The following IL1RAP variants were observed in gnomAD, a reference collection of about 807,000 sequenced individuals.
IL1RAP encodes interleukin 1 receptor accessory protein.
In IL1RAP, 35 loss-of-function variants were observed where a neutral mutation model predicts 60.7. The ratio of observed to expected loss-of-function variants is 0.58; its 90% CI spans 0.44 to 0.76. The LOEUF is 0.76. IL1RAP is among the 30% of genes least tolerant of loss of function. The pLI is 0.00. For missense variants in IL1RAP, 572 were observed against 693.9 expected, an observed-to-expected ratio of 0.82 and a Z score of 1.97; for synonymous variants, 268 against 250.9, an observed-to-expected ratio of 1.07 and a Z score of -0.64.
At chr3:190,656,010 C>T (rs1281221557), downstream of IL1RAP, 1 of 1,537,030 alleles carries the variant, frequency 6.5e-7, no homozygotes, top group Admixed American at 2.0e-5. Context: ...GTGTCATGTG[C>T]CAGAACTCCA....
intron 3 of IL1RAP, among the ~76,000 whole-genome samples, chr3:190,585,030 T>C (rs1278001304): frequency 1.3e-5 from 2 of 152,204 alleles, no homozygotes; most frequent in East Asian, 3.9e-4. Context: ...GCCATAGGGA[T>C]GTATAGATGG....
chr3:190,648,096 T>C (rs1734165052), intron 11 of IL1RAP, among the ~76,000 whole-genome samples: 1 of 152,212 alleles, frequency 6.6e-6, no homozygotes, highest in African/African-American at 2.4e-5. Flanking sequence ...TTTGGCTTCA[T>C]GCCTGTTTGG....
At chr3:190,594,441 A>G (rs957791388) in intron 3 of IL1RAP, among the ~76,000 whole-genome samples, 4 of 152,338 alleles carry the variant, frequency 2.6e-5, no homozygotes, top group South Asian at 2.1e-4. Flanking sequence ...GCCAGCTATC[A>G]TATCTATCTA....
At chr3:190,577,784 ATCT>A (rs1727627992) in intron 3 of IL1RAP, among the ~76,000 whole-genome samples, 1 of 151,974 alleles carries the variant, frequency 6.6e-6, no homozygotes, top group Non-Finnish European at 1.5e-5. Flanking sequence ...CTCCTGAGTG[ATCT>A]TCTTGTGTTG....
chr3:190,595,693 G>A (rs1165286429), intron 3 of IL1RAP, among the ~76,000 whole-genome samples: 1 of 152,126 alleles, frequency 6.6e-6, no homozygotes, highest in East Asian at 1.9e-4. Context: ...TTTCTAGTTT[G>A]GAATGTAAAA....
intron 1 of IL1RAP, among the ~76,000 whole-genome samples, chr3:190,525,959 T>C (rs1722475518): frequency 6.6e-6 from 1 of 152,208 alleles, no homozygotes. Context: ...CTGAAATCTG[T>C]CGTAGTGAAG....
intron 8 of IL1RAP, among the ~76,000 whole-genome samples, chr3:190,628,912 C>A (rs979963702): frequency 1.1e-4 from 16 of 152,196 alleles, no homozygotes; most frequent in Middle Eastern, 3.4e-3. Context: ...TATGACTTCC[C>A]TCTTTTCCAA....
chr3:190,606,460 G>A (rs1157964828), intron 4 of IL1RAP, among the ~76,000 whole-genome samples: 4 of 152,172 alleles, frequency 2.6e-5, no homozygotes, highest in South Asian at 2.1e-4. Context: ...ATTTCCCAAC[G>A]GGAAGAAGTC....
At chr3:190,627,807 G>A (rs1732439237) in intron 8 of IL1RAP, among the ~76,000 whole-genome samples, 1 of 152,130 alleles carries the variant, frequency 6.6e-6, no homozygotes, top group Non-Finnish European at 1.5e-5. Flanking sequence ...TGAATAAAAA[G>A]GTCACAATCA....
At chr3:190,629,274 A>T in intron 8 of IL1RAP, 76 bp from the exon 9 acceptor site, 2 of 1,074,936 alleles carry the variant, frequency 1.9e-6, no homozygotes, top group South Asian at 1.6e-5. Flanking sequence ...GTGGTTGCTT[A>T]CTTGTCTGAT....
intron 3 of IL1RAP, among the ~76,000 whole-genome samples, chr3:190,599,241 A>ATTGTTTTATTCTCTCATTT (rs1266835124): frequency 5.9e-5 from 9 of 151,964 alleles, no homozygotes; most frequent in Admixed American, 5.9e-4. Flanking sequence ...TTTCTCTATT[A>ATTGTTTTATTCTCTCATTT]TTGTTTTATT....
At chr3:190,514,843 C>A (rs1359926211) in intron 1 of IL1RAP, among the ~76,000 whole-genome samples, 1 of 152,188 alleles carries the variant, frequency 6.6e-6, no homozygotes, top group Non-Finnish European at 1.5e-5. Flanking sequence ...CCGGAGGAAG[C>A]GGAGCTAGTG....
rs762479610 is a variant in IL1RAP at position 190,644,231 on chromosome 3, TTTG to T, written c.1052-11_1052-9del. On this transcript the variant is annotated splice_polypyrimidine_tract_variant and intron_variant, in intron 9 of 11. Transcript: ENST00000447382. ...ACCACACAGAAATCAATTCTGTTTCTTTGTTGTTCATTCCAGTGCCAGCTCCAA... is the reference window on the plus strand; with the variant it reads ...ACCACACAGAAATCAATTCTGTTTCTTTGTTCATTCCAGTGCCAGCTCCAA... The T allele has an allele frequency of 1.9e-6, 3 of 1,607,790 alleles. No individual in the cohort carries two copies. The highest frequency in any genetic ancestry group is 1.7e-5 in the Admixed American group (1 of 59,128).
intron 2 of IL1RAP, among the ~76,000 whole-genome samples, chr3:190,560,645 C>T (rs1268247375): frequency 6.6e-6 from 1 of 152,134 alleles, no homozygotes; most frequent in East Asian, 1.9e-4. Context: ...AATGGTGATT[C>T]ATGGCAAATC....
At chr3:190,530,297 A>C (rs561823475) in intron 1 of IL1RAP, among the ~76,000 whole-genome samples, 1 of 152,314 alleles carries the variant, frequency 6.6e-6, no homozygotes, top group Non-Finnish European at 1.5e-5. Context: ...ACATGGAGAC[A>C]CAATGAATAT....
downstream of IL1RAP, chr3:190,655,953 T>G (rs183305754): frequency 1.3e-4 from 200 of 1,537,350 alleles, no homozygotes; most frequent in Non-Finnish European, 1.6e-4. Context: ...TTCTGAGCCC[T>G]GACTATGTGA....
rs866958872 is a variant in IL1RAP at position 190,522,340 on chromosome 3, T to C, written c.-89+8121T>C. 3.0e-4 allele frequency among the ~76,000 whole-genome samples: 39 copies of C among 130,280 alleles called. 1 individual carries two copies. The highest frequency in any genetic ancestry group is 1.4e-3 in the South Asian group (6 of 4,298). 85.5% of individuals were successfully genotyped at this position (130,280 alleles called of 152,430 possible). A position where few individuals can be genotyped will look rare whatever the true frequency, so the allele number is the denominator to read the frequency against. On this transcript the variant is annotated intron_variant, in intron 1 of 11. Transcript: ENST00000447382. ...TTCCTTCCTTCCTTCCTTCCTTCCT[T>C]CCTCCCTCCCTCCCTTCGTTCCTCT...
chr3:190,653,899 A>C (rs908692239), downstream of IL1RAP, among the ~76,000 whole-genome samples: 2 of 152,158 alleles, frequency 1.3e-5, no homozygotes, highest in African/African-American at 4.8e-5. Flanking sequence ...TACAGTATTA[A>C]GTGAAGATCC....
At position 190,650,081 on chromosome 3, in the gene IL1RAP, T is replaced by C. The variant is rs116393525; in HGVS notation, c.*1376T>C. On this transcript the variant is annotated 3_prime_UTR_variant, in exon 12 of 12. Coordinates refer to ENST00000447382, the MANE Select transcript of IL1RAP (RefSeq NM_002182.4). ...ATGAAATATATATATATATATAATTTGTGTGTGTGTATGTGTATGTATATG... is the reference window on the plus strand; with the variant it reads ...ATGAAATATATATATATATATAATTCGTGTGTGTGTATGTGTATGTATATG... 3,727 of 708,680 alleles carry C rather than the reference T, an allele frequency of 5.3e-3. 139 individuals are homozygous for C. In the African/African-American group the frequency reaches 0.068, roughly 13 times the overall value. 43.9% of individuals were successfully genotyped at this position (708,680 alleles called of 1,614,324 possible).
Sources: gnomAD v4.1 joint callset for allele counts (sites outside exome capture counted in the v4.1 genomes callset) on GRCh38, gnomAD v4.1.1 for gene constraint, MANE v1.5 for transcripts, NCBI Gene and HGNC (gene_info 2026-07-23, HGNC 2026-07-21) for gene names.